Variants in ARB2A observed in about 807,000 individuals in gnomAD.
ARB2A encodes cotranscriptional regulator ARB2A.
chr5:94,020,774 C>G, the ARB2A span, among the ~76,000 whole-genome samples: 1 of 152,166 alleles, frequency 6.6e-6, no homozygotes. Flanking sequence ...GTAATACAAT[C>G]AATACCTTTG....
At chr5:94,099,930 T>C in the ARB2A span, among the ~76,000 whole-genome samples, 2 of 152,112 alleles carry the variant, frequency 1.3e-5, no homozygotes, top group Non-Finnish European at 2.9e-5. Flanking sequence ...GTATTGGAAG[T>C]CCTAGCCAGA....
the ARB2A span, among the ~76,000 whole-genome samples, chr5:94,028,454 G>C: frequency 4.6e-5 from 7 of 152,238 alleles, no homozygotes; most frequent in South Asian, 6.2e-4. Context: ...TGCTAGAATG[G>C]ATGTTGTTAC....
At chr5:93,620,904 G>A in the ARB2A span, 85 of 1,537,494 alleles carry the variant, frequency 5.5e-5, no homozygotes, top group Non-Finnish European at 7.1e-5. Flanking sequence ...CTAATGAGGG[G>A]CTGGGAGTCC....
the ARB2A span, among the ~76,000 whole-genome samples, chr5:93,948,749 C>G: frequency 1.3e-5 from 2 of 152,154 alleles, no homozygotes; most frequent in East Asian, 3.9e-4. Context: ...TTTCCCAGCA[C>G]CATTTATTAA....
At chr5:93,983,543 C>G in the ARB2A span, among the ~76,000 whole-genome samples, 4 of 152,032 alleles carry the variant, frequency 2.6e-5, no homozygotes, top group African/African-American at 7.2e-5. Context: ...AGGAAGAATG[C>G]TCTTCCTTAC....
the ARB2A span, chr5:93,620,898 TGAG>T: frequency 6.6e-7 from 1 of 1,521,332 alleles, no homozygotes. Context: ...AACAATCTAA[TGAG>T]GGGCTGGGAG....
chr5:93,628,698 T>C, the ARB2A span, among the ~76,000 whole-genome samples: 3 of 152,246 alleles, frequency 2.0e-5, no homozygotes, highest in Non-Finnish European at 2.9e-5. Context: ...TTAAATCTCA[T>C]GAACCAACCT....
the ARB2A span, among the ~76,000 whole-genome samples, chr5:93,796,762 T>C: frequency 6.6e-6 from 1 of 152,178 alleles, no homozygotes; most frequent in Admixed American, 6.5e-5. Context: ...AAAATCCGAC[T>C]TGGATTACAT....
At chr5:93,659,148 T>C in the ARB2A span, among the ~76,000 whole-genome samples, 4 of 152,170 alleles carry the variant, frequency 2.6e-5, no homozygotes, top group African/African-American at 9.6e-5. Flanking sequence ...TATATAAAAA[T>C]GAGATTTCAA....
chr5:93,862,047 G>C, the ARB2A span: 6 of 152,150 alleles, frequency 3.9e-5, no homozygotes, highest in East Asian at 1.2e-3. Context: ...ACAAATCTTT[G>C]CCAATATTCT....
At chr5:93,774,227 C>G in the ARB2A span, among the ~76,000 whole-genome samples, 2 of 152,212 alleles carry the variant, frequency 1.3e-5, no homozygotes, top group African/African-American at 4.8e-5. Flanking sequence ...TGGGGCCTCC[C>G]TGTTCCTTGA....
the ARB2A span, among the ~76,000 whole-genome samples, chr5:93,837,958 T>C: frequency 6.6e-6 from 1 of 151,352 alleles, no homozygotes; most frequent in Non-Finnish European, 1.5e-5. Context: ...CTATAGATTG[T>C]CTGTTTACTC....
At chr5:93,941,190 CAGG>C in the ARB2A span, among the ~76,000 whole-genome samples, 3 of 152,078 alleles carry the variant, frequency 2.0e-5, no homozygotes, top group African/African-American at 7.2e-5. Flanking sequence ...ATTATAACTG[CAGG>C]AGGTGTTACC....
the ARB2A span, chr5:93,740,247 T>C: frequency 4.8e-6 from 1 of 210,290 alleles, no homozygotes; most frequent in Non-Finnish European, 9.5e-6. Flanking sequence ...TTAAACCCTA[T>C]GTTTACTGAT....
At chr5:93,793,083 A>G in the ARB2A span, among the ~76,000 whole-genome samples, 1 of 151,420 alleles carries the variant, frequency 6.6e-6, no homozygotes, top group African/African-American at 2.4e-5. Context: ...TTTTATTTTT[A>G]TTTTTAAGAG....
At chr5:93,788,205 G>C in the ARB2A span, among the ~76,000 whole-genome samples, 2 of 145,552 alleles carry the variant, frequency 1.4e-5, no homozygotes, top group Non-Finnish European at 1.6e-5. Flanking sequence ...CTGAAATTGA[G>C]GGGGGGAAAT....
chr5:94,106,296 C>T, the ARB2A span, among the ~76,000 whole-genome samples: 2 of 151,860 alleles, frequency 1.3e-5, no homozygotes, highest in South Asian at 4.2e-4. Flanking sequence ...AGCAAAAAAA[C>T]CCATAAAAAA....
chr5:94,051,755 T>C, the ARB2A span, among the ~76,000 whole-genome samples: 1 of 152,232 alleles, frequency 6.6e-6, no homozygotes, highest in African/African-American at 2.4e-5. Flanking sequence ...AAACCAGTCA[T>C]CCTGCTCAAA....
At chr5:93,773,385 TA>T in the ARB2A span, among the ~76,000 whole-genome samples, 1 of 152,092 alleles carries the variant, frequency 6.6e-6, no homozygotes. Context: ...ACACAATGGG[TA>T]ATAAGTAGTA....
Sources: allele counts gnomAD v4.1 joint callset (sites outside exome capture counted in the v4.1 genomes callset), GRCh38; gene constraint gnomAD v4.1.1; transcripts MANE v1.5; gene names NCBI Gene and HGNC (gene_info 2026-07-23, HGNC 2026-07-21).